Variants in RNF144B observed in about 807,000 individuals in gnomAD.
RNF144B encodes the protein ring finger protein 144B.
In RNF144B, 25 loss-of-function variants were observed where a neutral mutation model predicts 40.2. That is an observed-to-expected ratio of 0.62 (90% CI 0.45 to 0.87). RNF144B has a LOEUF of 0.87. Among genes scored for constraint, RNF144B ranks in the 40% least tolerant of loss-of-function variants. The pLI, the probability that RNF144B is intolerant of heterozygous loss-of-function variation, is 0.00. For missense variants in RNF144B, 365 were observed against 373.7 expected, an observed-to-expected ratio of 0.98 and a Z score of 0.19; for synonymous variants, 145 against 136.3, an observed-to-expected ratio of 1.06 and a Z score of -0.44.
At chr6:18,440,865 AGGC>A (rs1758947519) in intron 4 of RNF144B, among the ~76,000 whole-genome samples, 1 of 149,702 alleles carries the variant, frequency 6.7e-6, no homozygotes, top group South Asian at 2.1e-4. Context: ...TTAACTCATA[AGGC>A]TGATATATTA....
At chr6:18,433,720 TCAGA>T (rs1758748397) in intron 3 of RNF144B, among the ~76,000 whole-genome samples, 1 of 152,186 alleles carries the variant, frequency 6.6e-6, no homozygotes, top group Non-Finnish European at 1.5e-5. Context: ...CTTCTGCCTC[TCAGA>T]CAGTGATGCC....
chr6:18,387,643 A>G lies in RNF144B; in HGVS notation c.-37+13A>G. 1 of 1,294,410 alleles carries G rather than the reference A, an allele frequency of 7.7e-7. No homozygotes were observed. The highest frequency in any genetic ancestry group is 1.0e-6 in the Non-Finnish European group (1 of 991,526). The allele number at this position is 1,294,410 out of a possible 1,614,324, so 80.2% of individuals were successfully genotyped here. On this transcript the variant is annotated intron_variant, in intron 1 of 7. Transcript: ENST00000259939. ...GGTCTGCTGCCAGGTAGGTTTAGCG[A>G]GCTTTTTAAAGGCTACAGGCGTTGC...
chr6:18,439,095 T>C (rs1758889884), intron 3 of RNF144B, among the ~76,000 whole-genome samples: 2 of 152,174 alleles, frequency 1.3e-5, no homozygotes, highest in Non-Finnish European at 2.9e-5. Flanking sequence ...AATAGGAGTC[T>C]AGTTGCAAGA....
rs1406403069 is a variant in RNF144B, at chr6:18,463,382, TAC to T, written c.771+3_771+4del. 6.3e-7 allele frequency: 1 copy of T among 1,586,166 alleles called. No individual in the cohort carries two copies. Among genetic ancestry groups the T allele is most frequent in the African/African-American group, 1.3e-5 (1 of 74,468 alleles). The stretch of plus-strand genomic sequence containing the variant: ...TCAGTGATGTGGAACCGAACACAGG[TAC>T]CCTGACCTTATAGGGAGCGTGACAT... On this transcript the variant is annotated splice_donor_region_variant and intron_variant, in intron 7 of 7. Transcript: ENST00000259939.
chr6:18,401,323 T>A (rs1343788816), intron 2 of RNF144B, among the ~76,000 whole-genome samples: 2 of 152,220 alleles, frequency 1.3e-5, no homozygotes, highest in Non-Finnish European at 2.9e-5. Context: ...CTCATTTCTC[T>A]TTCAGCAATT....
At chr6:18,438,540 A>G (rs926070145) in intron 3 of RNF144B, among the ~76,000 whole-genome samples, 2 of 152,178 alleles carry the variant, frequency 1.3e-5, no homozygotes, top group Non-Finnish European at 2.9e-5. Context: ...TCCTTTATAC[A>G]TTTTAGCTAA....
intron 3 of RNF144B, among the ~76,000 whole-genome samples, chr6:18,436,318 C>T (rs35674155): frequency 0.13 from 19,410 of 152,142 alleles, 1,394 homozygotes; most frequent in Admixed American, 0.19. Context: ...GATACCACAG[C>T]TAGGTACAAG....
chr6:18,436,388 A>T (rs1001674551), intron 3 of RNF144B, among the ~76,000 whole-genome samples: 1 of 152,244 alleles, frequency 6.6e-6, no homozygotes, highest in African/African-American at 2.4e-5. Context: ...AATTAGTGAG[A>T]TTTGAATAAG....
At chr6:18,428,888 T>G (rs912719884) in intron 3 of RNF144B, among the ~76,000 whole-genome samples, 1 of 152,092 alleles carries the variant, frequency 6.6e-6, no homozygotes, top group African/African-American at 2.4e-5. Flanking sequence ...CATAATTACG[T>G]GGCTTTGAGT....
chr6:18,439,242 C>T (rs1758892996), intron 3 of RNF144B, among the ~76,000 whole-genome samples: 1 of 152,144 alleles, frequency 6.6e-6, no homozygotes, highest in Non-Finnish European at 1.5e-5. Flanking sequence ...TGACAAATGA[C>T]ATTTGCATAA....
chr6:18,439,814 T>C (rs1197570526), intron 4 of RNF144B, 70 bp downstream of exon 4: 1 of 1,062,494 alleles, frequency 9.4e-7, no homozygotes, highest in East Asian at 2.4e-5. Context: ...CTAACCCACA[T>C]GGAAGATAAA....
rs1463987826 is a variant in RNF144B, at chr6:18,446,292, T to C, written c.331+6548T>C. Among the ~76,000 whole-genome samples the C allele has an allele frequency of 6.6e-6, 1 of 152,202 alleles. No individual in the cohort carries two copies. Among genetic ancestry groups the C allele is most frequent in the African/African-American group, 2.4e-5 (1 of 41,456 alleles). On this transcript the variant is annotated intron_variant, in intron 4 of 7. Transcript: ENST00000259939. The surrounding 1 kb of genome is among the most constrained non-coding windows in gnomAD (Gnocchi z 4.7). ...TACATTTCCTTAAAAAACCCAGCTC[T>C]TTTACCTTCCATTGGCTTTTCCTTG...
At chr6:18,435,083 A>G (rs569024769) in intron 3 of RNF144B, among the ~76,000 whole-genome samples, 65 of 152,332 alleles carry the variant, frequency 4.3e-4, no homozygotes, top group South Asian at 2.1e-4. Flanking sequence ...TTTGAATTAA[A>G]GTTTGGGTGT....
Position 18,456,587 on chromosome 6 carries a change from C to T in RNF144B, c.332-568C>T, listed in dbSNP as rs112157871. On this transcript the variant is annotated intron_variant, in intron 4 of 7. Coordinates refer to ENST00000259939, the MANE Select transcript of RNF144B (RefSeq NM_182757.4). The surrounding 1 kb of genome is among the most constrained non-coding windows in gnomAD (Gnocchi z 4.7). Reference sequence around the variant, plus strand: ...CTAAAAGTCTTGTGAATTTTGTTTACAGAGAACACTTTTTATCTGTTCATA... The same window carrying T: ...CTAAAAGTCTTGTGAATTTTGTTTATAGAGAACACTTTTTATCTGTTCATA... Among the ~76,000 whole-genome samples the T allele has an allele frequency of 1.7e-3, 262 of 152,260 alleles. 1 individual carries two copies. The highest frequency in any genetic ancestry group is 6.0e-3 in the African/African-American group (250 of 41,548).
Position 18,399,606 on chromosome 6 carries a change from G to A in RNF144B, c.72G>A (p.Pro24=), listed in dbSNP as rs61748576. ...AENPTPGDLA[P]APLITCKLCL... is the part of the protein sequence containing the mutation. ...ATCCCACTCCTGGAGACCTGGCTCC[G>A]GCCCCCCTCATCACTTGCAAACTCT... The change falls in exon 2 of 8, where the codon CCG becomes CCA. Residue 24 remains proline, a synonymous_variant. Transcript: ENST00000259939. 30,850 of 1,613,988 alleles carry A rather than the reference G, an allele frequency of 0.019. 363 individuals are homozygous for A. Among genetic ancestry groups the A allele is most frequent in the Middle Eastern group, 0.024 (145 of 6,060 alleles).
rs76475896 is a variant in RNF144B at position 18,435,089 on chromosome 6, G to A, written c.271-4595G>A. On this transcript the variant is annotated intron_variant, in intron 3 of 7. Transcript: ENST00000259939. Reference sequence around the variant, plus strand: ...TATTTTATCTTTGAATTAAAGTTTGGGTGTTTTCCCCCACCTTTGGAAAGA... The same window carrying A: ...TATTTTATCTTTGAATTAAAGTTTGAGTGTTTTCCCCCACCTTTGGAAAGA... Among the ~76,000 whole-genome samples, 1,103 of 152,124 alleles carry A rather than the reference G, an allele frequency of 7.3e-3. 12 individuals are homozygous for A. Among genetic ancestry groups the A allele is most frequent in the African/African-American group, 0.026 (1,064 of 41,468 alleles).
At chr6:18,399,382 G>C in intron 1 of RNF144B, 117 bp from the exon 2 acceptor site, 1 of 709,228 alleles carries the variant, frequency 1.4e-6, no homozygotes, top group Non-Finnish European at 2.3e-6. Flanking sequence ...AAATGCATTA[G>C]CTGTAAGTTT....
In RNF144B at chr6:18,463,345, C is replaced by T. The variant is rs746349410; in HGVS notation, c.736C>T (p.His246Tyr). Reference sequence around the variant, plus strand: ...AGGGCCATGCAGGAATAAACTTGGCCACTCAAGAGCATCAGTGATGTGGAA... The same window carrying T: ...AGGGCCATGCAGGAATAAACTTGGCTACTCAAGAGCATCAGTGATGTGGAA... ...DKGPCRNKLG[H>Y]SRASVMWNRT... The change falls in exon 7 of 8, where the codon CAC (histidine) becomes TAC (tyrosine). Residue 246 changes from histidine (H) to tyrosine (Y), a missense_variant. Coordinates refer to ENST00000259939, the MANE Select transcript of RNF144B (RefSeq NM_182757.4). 1 of 1,611,378 alleles carries T rather than the reference C, an allele frequency of 6.2e-7. No individual in the cohort carries two copies. Among genetic ancestry groups the T allele is most frequent in the Non-Finnish European group, 8.5e-7 (1 of 1,177,618 alleles).
chr6:18,445,445 T>C (rs909957820), intron 4 of RNF144B, among the ~76,000 whole-genome samples: 5 of 152,196 alleles, frequency 3.3e-5, no homozygotes, highest in African/African-American at 1.2e-4. Context: ...AATACAGAAG[T>C]AGAAAATAGT....
Sources: gnomAD v4.1 joint callset for allele counts (sites outside exome capture counted in the v4.1 genomes callset) on GRCh38, gnomAD v4.1.1 for gene constraint, Gnocchi (gnomAD v3.1) non-coding constraint, MANE v1.5 for transcripts, NCBI Gene and HGNC (gene_info 2026-07-23, HGNC 2026-07-21) for gene names.